Variants in RASAL2 observed in about 807,000 individuals in gnomAD.
RASAL2 encodes ras GTPase-activating protein nGAP.
Under a neutral mutation model 128.9 loss-of-function variants are expected in RASAL2, and 58 were observed. That is an observed-to-expected ratio of 0.45 (90% CI 0.36 to 0.56). The LOEUF (loss-of-function observed/expected upper bound fraction) is 0.56. Among genes scored for constraint, RASAL2 ranks in the 20% least tolerant of loss-of-function variants. The probability of loss-of-function intolerance (pLI) is 0.00; values close to 1 mark genes in which losing one functional copy is unlikely to be tolerated. For missense variants in RASAL2, 1,360 were observed against 1,601.6 expected, an observed-to-expected ratio of 0.85 and a Z score of 2.57; for synonymous variants, 561 against 580.8, an observed-to-expected ratio of 0.97 and a Z score of 0.49.
At chr1:178,102,916 T>C (rs1167347298) in intron 1 of RASAL2, among the ~76,000 whole-genome samples, 1 of 152,172 alleles carries the variant, frequency 6.6e-6, no homozygotes, top group Non-Finnish European at 1.5e-5. Context: ...TAGATAGATA[T>C]GTAAAAATCC....
chr1:178,132,607 AC>A (rs910979825), intron 1 of RASAL2, among the ~76,000 whole-genome samples: 2 of 152,118 alleles, frequency 1.3e-5, no homozygotes, highest in African/African-American at 4.8e-5. Flanking sequence ...TATGAATGAC[AC>A]CTTTTTAAAG....
chr1:178,225,944 G>A (rs1404553589), intron 1 of RASAL2, among the ~76,000 whole-genome samples: 1 of 152,134 alleles, frequency 6.6e-6, no homozygotes, highest in Non-Finnish European at 1.5e-5. Context: ...TGAGCACTGC[G>A]TAGGTCTCTA....
rs1332014603 is a variant in RASAL2 at position 178,150,354 on chromosome 1, T to G, written c.202+55660T>G. 2.0e-5 allele frequency among the ~76,000 whole-genome samples: 3 copies of G among 152,158 alleles called. No individual in the cohort carries two copies. In the East Asian group the frequency reaches 5.8e-4, roughly 29 times the overall value. On this transcript the variant is annotated intron_variant, in intron 1 of 17. Transcript: ENST00000367649. ...AGATTAGCCCTCACGCCTGGCTAAT[T>G]TTTTTATTTTTAGTAGAGACAGGGT...
chr1:178,114,187 G>C (rs766993517), intron 1 of RASAL2, among the ~76,000 whole-genome samples: 1 of 151,862 alleles, frequency 6.6e-6, no homozygotes, highest in African/African-American at 2.4e-5. Flanking sequence ...TTTCTTGCTT[G>C]ATTACATTGG....
chr1:178,319,227 T>G (rs886117782), intron 3 of RASAL2, among the ~76,000 whole-genome samples: 1 of 152,080 alleles, frequency 6.6e-6, no homozygotes, highest in Non-Finnish European at 1.5e-5. Flanking sequence ...GCCCTTAACA[T>G]TTTTTCCTTC....
At chr1:178,217,058 C>A (rs185315902) in intron 1 of RASAL2, among the ~76,000 whole-genome samples, 1 of 152,114 alleles carries the variant, frequency 6.6e-6, no homozygotes, top group African/African-American at 2.4e-5. Context: ...TCACTGCAAC[C>A]TCCACCTCCC....
intron 1 of RASAL2, among the ~76,000 whole-genome samples, chr1:178,097,501 G>T (rs2102211825): frequency 6.6e-6 from 1 of 152,294 alleles, no homozygotes; most frequent in Middle Eastern, 3.4e-3. Flanking sequence ...AAGATATATT[G>T]AAGGCAGATG....
chr1:178,351,654 G>A (rs552747445), intron 3 of RASAL2, among the ~76,000 whole-genome samples: 118 of 151,432 alleles, frequency 7.8e-4, no homozygotes, highest in African/African-American at 2.8e-3. Flanking sequence ...GCGTGAACCC[G>A]TGAGGCAGAG....
chr1:178,103,459 C>T (rs1265563375), intron 1 of RASAL2, among the ~76,000 whole-genome samples: 1 of 152,042 alleles, frequency 6.6e-6, no homozygotes, highest in Non-Finnish European at 1.5e-5. Context: ...CCAAATTGCC[C>T]TACCTGTCTG....
chr1:178,141,202 T>TC (rs1422316796), intron 1 of RASAL2, among the ~76,000 whole-genome samples: 1 of 130,620 alleles, frequency 7.7e-6, no homozygotes, highest in South Asian at 2.6e-4. Flanking sequence ...TCTTTTTTTT[T>TC]TTTTTTTTTT....
chr1:178,213,028 T>A (rs571737782), intron 1 of RASAL2, among the ~76,000 whole-genome samples: 2 of 152,148 alleles, frequency 1.3e-5, no homozygotes, highest in South Asian at 4.2e-4. Flanking sequence ...GAAAACTGTG[T>A]GGTTATATTC....
Position 178,464,317 on chromosome 1 carries a change from G to C in RASAL2, c.3292G>C (p.Glu1098Gln). The C allele has an allele frequency of 1.2e-6, 2 of 1,613,732 alleles. No homozygotes were observed. Among genetic ancestry groups the C allele is most frequent in the South Asian group, 2.2e-5 (2 of 91,008 alleles). The stretch of plus-strand genomic sequence containing the variant: ...GGACTCTGCCACAATGTCCCCAGTA[G>C]AGAGGACAGCAGCCTGGGTTCTGAA... ...PVDSATMSPV[E>Q]RTAAWVLNNG... The change falls in exon 15 of 18, where the codon GAG (glutamate) becomes CAG (glutamine). Residue 1098 changes from glutamate to glutamine, a missense_variant. By Grantham distance (29) the Glu-to-Gln change is conservative (BLOSUM62 2). Transcript: ENST00000367649.
Position 178,189,997 on chromosome 1 carries a change from G to A in RASAL2, c.203-93567G>A, listed in dbSNP as rs974149139. 5.9e-5 allele frequency among the ~76,000 whole-genome samples: 9 copies of A among 152,060 alleles called. No individual in the cohort carries two copies. The East Asian group carries it at 1.7e-3, about 29-fold the overall frequency. ...TGCTGAGTAGTGTCATGTCAAGGGG[G>A]CAAGGGTGTGCTACTGACATCTAGT... On this transcript the variant is annotated intron_variant, in intron 1 of 17. Coordinates refer to ENST00000367649, the MANE Select transcript of RASAL2 (RefSeq NM_170692.4).
intron 3 of RASAL2, among the ~76,000 whole-genome samples, chr1:178,358,419 A>G (rs780317101): frequency 6.6e-6 from 1 of 152,078 alleles, no homozygotes; most frequent in Middle Eastern, 3.2e-3. Flanking sequence ...AAGACCCACA[A>G]TTTTTCACAG....
intron 1 of RASAL2, among the ~76,000 whole-genome samples, chr1:178,171,737 T>C (rs1024190732): frequency 1.3e-5 from 2 of 151,894 alleles, no homozygotes; most frequent in Non-Finnish European, 2.9e-5. Context: ...AAGACTAAAG[T>C]GTTAGGAGTA....
intron 1 of RASAL2, among the ~76,000 whole-genome samples, chr1:178,204,156 C>A (rs1403957187): frequency 1.3e-5 from 2 of 152,188 alleles, no homozygotes; most frequent in Non-Finnish European, 2.9e-5. Context: ...AAGAAAATAT[C>A]TTCATTGTAT....
At chr1:178,170,830 G>A (rs1661681595) in intron 1 of RASAL2, among the ~76,000 whole-genome samples, 1 of 151,736 alleles carries the variant, frequency 6.6e-6, no homozygotes. Flanking sequence ...CAGCCCAGGT[G>A]CTTTTATTTA....
chr1:178,259,854 C>G (rs1241772196), intron 1 of RASAL2, among the ~76,000 whole-genome samples: 1 of 151,078 alleles, frequency 6.6e-6, no homozygotes, highest in African/African-American at 2.5e-5. Context: ...ATGGGTCACT[C>G]CCCCCTGCAT....
At chr1:178,426,104 G>GT (rs1233240566) in intron 5 of RASAL2, among the ~76,000 whole-genome samples, 5 of 152,004 alleles carry the variant, frequency 3.3e-5, no homozygotes, top group African/African-American at 4.8e-5. Flanking sequence ...ATATCTGTAG[G>GT]TTTTTTTGCC....
Sources: gnomAD v4.1 joint callset for allele counts (sites outside exome capture counted in the v4.1 genomes callset) on GRCh38, gnomAD v4.1.1 for gene constraint, MANE v1.5 for transcripts, NCBI Gene and HGNC (gene_info 2026-07-23, HGNC 2026-07-21) for gene names.